Variants in RABL6 observed in about 807,000 individuals in gnomAD.
RABL6 encodes RAB, member RAS oncogene family like 6.
Under a neutral mutation model 72.9 loss-of-function variants are expected in RABL6, and 28 were observed. The ratio of observed to expected loss-of-function variants is 0.38; its 90% CI spans 0.28 to 0.53. The LOEUF is 0.53. Ranked by LOEUF, RABL6 falls within the 20% of genes least tolerant of loss-of-function variation. RABL6 has a pLI of 0.80. For missense variants in RABL6, 1,029 were observed against 1,008.4 expected (o/e 1.02, Z -0.28); for synonymous variants, 477 against 421.2 (o/e 1.13, Z -1.62).
chr9:136,810,836 C>T (rs574324661), intron 1 of RABL6, among the ~76,000 whole-genome samples: 181 of 152,318 alleles, frequency 1.2e-3, no homozygotes, highest in South Asian at 3.1e-3. Context: ...CCACCATGCC[C>T]GGCTTTCTGG....
At position 136,840,647 on chromosome 9, in the gene RABL6, A is replaced by T; in HGVS notation, c.*125A>T. 2 of 1,549,612 alleles carry T rather than the reference A, an allele frequency of 1.3e-6. No homozygotes were observed. Among genetic ancestry groups the T allele is most frequent in the Non-Finnish European group, 1.7e-6 (2 of 1,146,806 alleles). ...CTGCCGTGTGCGCTTCTGAGCTGGA[A>T]GAGGCCGGGCATTGGTGGTCCCCAG... On this transcript the variant is annotated 3_prime_UTR_variant, in exon 15 of 15. Coordinates refer to ENST00000311502, the MANE Select transcript of RABL6 (RefSeq NM_024718.5).
chr9:136,822,859 C>T (rs1000464160), intron 1 of RABL6, among the ~76,000 whole-genome samples: 14 of 152,172 alleles, frequency 9.2e-5, no homozygotes, highest in Admixed American at 3.3e-4. Flanking sequence ...GAGGCCAAGG[C>T]GGGCGGATCA....
At chr9:136,840,097 C>T (rs778821772) in intron 13 of RABL6, 57 bp from the exon 14 acceptor site, 15 of 1,610,306 alleles carry the variant, frequency 9.3e-6, no homozygotes, top group Admixed American at 8.3e-5. Flanking sequence ...GTCCTGTCAC[C>T]CAGCTTGGGG....
At chr9:136,834,069 AT>A in intron 7 of RABL6, 1 of 1,434,152 alleles carries the variant, frequency 7.0e-7, no homozygotes, top group Non-Finnish European at 9.2e-7. Context: ...TCCTTTTGCT[AT>A]GGATGTGTTC....
chr9:136,835,546 C>T (rs924188127), intron 7 of RABL6, 196 bp from the exon 8 acceptor site: 73 of 557,926 alleles, frequency 1.3e-4, no homozygotes, highest in Admixed American at 1.3e-3. Context: ...TGCCGGCCAC[C>T]GCAGAGGAAT....
chr9:136,837,891 A>G lies in RABL6; in HGVS notation c.1156A>G (p.Thr386Ala), dbSNP rs1848613444. Residue 386 changes from threonine to alanine, a missense_variant, in exon 10 of 15, where the codon ACG (threonine) becomes GCG (alanine). By Grantham distance (58) the Thr-to-Ala change is moderately conservative. Coordinates refer to ENST00000311502, the MANE Select transcript of RABL6 (RefSeq NM_024718.5). ...EPVPAAEGPA[T>A]VQSVEDFVPD... Reference sequence around the variant, plus strand: ...AGTCCCGGCCGCAGAGGGCCCAGCAACGGTCCAGAGTGTGGAGGACTTTGT... The same window carrying G: ...AGTCCCGGCCGCAGAGGGCCCAGCAGCGGTCCAGAGTGTGGAGGACTTTGT... 6.5e-7 allele frequency: 1 copy of G among 1,550,350 alleles called. No homozygotes were observed.
In RABL6 at chr9:136,818,146, G is replaced by A. The variant is rs527409968; in HGVS notation, c.131-5379G>A. Among the ~76,000 whole-genome samples, 63 of 150,132 alleles carry A rather than the reference G, an allele frequency of 4.2e-4. No individual in the cohort carries two copies. In the South Asian group the frequency reaches 0.012, roughly 29 times the overall value. ...TGGGAGGCCGAGGCGGGCAGATCACGAGGTCAGGAGATCAAGACCATCCTG... is the reference window on the plus strand; with the variant it reads ...TGGGAGGCCGAGGCGGGCAGATCACAAGGTCAGGAGATCAAGACCATCCTG... On this transcript the variant is annotated intron_variant, in intron 1 of 14. Transcript: ENST00000311502.
At chr9:136,839,962 A>G in intron 13 of RABL6, 97 bp downstream of exon 13, 2 of 1,511,494 alleles carry the variant, frequency 1.3e-6, no homozygotes, top group African/African-American at 2.8e-5. Context: ...TCCTCTCCTG[A>G]GTCCAGGATG....
intron 2 of RABL6, 56 bp from the exon 3 acceptor site, chr9:136,825,723 G>A: frequency 6.3e-7 from 1 of 1,576,042 alleles, no homozygotes; most frequent in East Asian, 2.2e-5. Flanking sequence ...GGACCGCTTT[G>A]TGCCACCTTG....
intron 7 of RABL6, chr9:136,834,530 G>A (rs1322047248): frequency 1.1e-6 from 1 of 910,522 alleles, no homozygotes; most frequent in Non-Finnish European, 1.3e-6. Flanking sequence ...CCAGGCTGGA[G>A]TACGGTGGTG....
At chr9:136,828,873 G>A (rs569308773) in intron 4 of RABL6, among the ~76,000 whole-genome samples, 2 of 152,290 alleles carry the variant, frequency 1.3e-5, no homozygotes, top group Admixed American at 1.3e-4. Context: ...ATCTCGCAGC[G>A]CCATGGGCGT....
In RABL6 at chr9:136,823,592, G is replaced by A. The variant is rs376408551; in HGVS notation, c.198G>A (p.Arg66=). The part of the protein sequence containing the change: ...KTALWHRLQG[R]PFVEEYIPTQ... Reference sequence around the variant, plus strand: ...CGCTGTGGCACCGCCTGCAGGGCCGGCCGTTCGTGGAGGAGTACATCCCCA... The same window carrying A: ...CGCTGTGGCACCGCCTGCAGGGCCGACCGTTCGTGGAGGAGTACATCCCCA... The change falls in exon 2 of 15, where the codon CGG becomes CGA. Residue 66 remains arginine (R), a synonymous_variant. Coordinates refer to ENST00000311502, the MANE Select transcript of RABL6 (RefSeq NM_024718.5). 4.3e-6 allele frequency: 7 copies of A among 1,613,726 alleles called. No homozygotes were observed. The African/African-American group carries it at 9.3e-5, about 22-fold the overall frequency.
Position 136,839,438 on chromosome 9 carries a change from G to C in RABL6, c.1710G>C (p.Met570Ile). Residue 570 changes from methionine (M) to isoleucine (I), a missense_variant, in exon 12 of 15, where the codon ATG becomes ATC. Met to Ile is a conservative substitution (Grantham distance 10). Coordinates refer to ENST00000311502, the MANE Select transcript of RABL6 (RefSeq NM_024718.5). ...PIAAQMLSFV[M>I]DDPDFESEGS... The stretch of plus-strand genomic sequence containing the variant: ...CTGCACAAATGCTGTCCTTCGTCAT[G>C]GATGACCCCGACTTTGAGAGCGAGG... 2 of 1,612,606 alleles carry C rather than the reference G, an allele frequency of 1.2e-6. No homozygotes were observed. The highest frequency in any genetic ancestry group is 1.7e-6 in the Non-Finnish European group (2 of 1,179,746).
At chr9:136,816,294 A>G (rs1848117505) in intron 1 of RABL6, among the ~76,000 whole-genome samples, 1 of 151,896 alleles carries the variant, frequency 6.6e-6, no homozygotes, top group Non-Finnish European at 1.5e-5. Flanking sequence ...TTGTAGAGAC[A>G]GTGTTTCACC....
At chr9:136,835,602 T>C in intron 7 of RABL6, 140 bp from the exon 8 acceptor site, 5 of 688,744 alleles carry the variant, frequency 7.3e-6, no homozygotes, top group Non-Finnish European at 9.7e-6. Context: ...CAGAGCTCCA[T>C]GAGTTGCTGA....
intron 2 of RABL6, among the ~76,000 whole-genome samples, chr9:136,824,561 C>T (rs1848312351): frequency 6.6e-6 from 1 of 151,864 alleles, no homozygotes; most frequent in Admixed American, 6.6e-5. Flanking sequence ...GAACTCCTGA[C>T]CACGTGATTC....
chr9:136,824,401 G>A (rs1848308940), intron 2 of RABL6, among the ~76,000 whole-genome samples: 1 of 140,516 alleles, frequency 7.1e-6, no homozygotes, highest in South Asian at 2.4e-4. Flanking sequence ...TGAGATCTCG[G>A]CTCACTGGAA....
chr9:136,808,318 A>G lies in RABL6; in HGVS notation c.122A>G (p.Gln41Arg). Reference sequence around the variant, plus strand: ...CAGAGGCGCTTCGCCAAGGGGGTGCAGTACAACAGTGAGTGCGGCGGGCCG... The same window carrying G: ...CAGAGGCGCTTCGCCAAGGGGGTGCGGTACAACAGTGAGTGCGGCGGGCCG... The part of the protein sequence containing the change: ...ALQRRFAKGV[Q>R]YNMKIVIRGD... The change falls in exon 1 of 15, where the codon CAG (glutamine) becomes CGG (arginine). Residue 41 changes from glutamine (Q) to arginine (R), a missense_variant. Gln to Arg is a conservative substitution (Grantham distance 43). Around this residue, in one of 2 missense-constraint regions of RABL6, gnomAD observed 434 missense variants for 536.1 expected, o/e 0.81. Coordinates refer to ENST00000311502, the MANE Select transcript of RABL6 (RefSeq NM_024718.5). The G allele has an allele frequency of 6.5e-7, 1 of 1,537,722 alleles. No individual in the cohort carries two copies. Among genetic ancestry groups the G allele is most frequent in the Non-Finnish European group, 8.7e-7 (1 of 1,143,518 alleles).
At chr9:136,817,647 T>C (rs1848148404) in intron 1 of RABL6, among the ~76,000 whole-genome samples, 2 of 148,174 alleles carry the variant, frequency 1.3e-5, no homozygotes, top group South Asian at 4.3e-4. Flanking sequence ...TTGAGAGCCG[T>C]GTGACTGGCT....
Sources: gnomAD v4.1 joint callset for allele counts (sites outside exome capture counted in the v4.1 genomes callset) on GRCh38, gnomAD v4.1.1 for gene constraint, gnomAD v4.1.1 regional missense constraint, MANE v1.5 for transcripts, NCBI Gene and HGNC (gene_info 2026-07-23, HGNC 2026-07-21) for gene names.